Variants in MKKS observed in about 807,000 individuals in gnomAD.
MKKS encodes MKKS centrosomal shuttling protein.
In MKKS, 29 loss-of-function variants were observed where a neutral mutation model predicts 33.2. That is an observed-to-expected ratio of 0.87 (90% CI 0.65 to 1.19). The LOEUF (loss-of-function observed/expected upper bound fraction) is 1.19. Among genes scored for constraint, MKKS ranks in the 50% most tolerant of loss-of-function variants. The pLI is 0.00. For missense variants in MKKS, 661 were observed against 662.3 expected (o/e 1.00, Z 0.02); for synonymous variants, 260 against 244.0 (o/e 1.07, Z -0.61).
At chr20:10,426,955 C>G (rs779082117) in intron 1 of MKKS, among the ~76,000 whole-genome samples, 1 of 151,206 alleles carries the variant, frequency 6.6e-6, no homozygotes, top group African/African-American at 2.4e-5. Context: ...AGAGGGAGAA[C>G]TTGCTATGCT....
Position 10,413,738 on chromosome 20 carries a change from C to T in MKKS, c.-224G>A. Reference sequence around the variant, plus strand: ...AATTCCAAATATTTATTTTACTTCACTCTTCAATACTCTTTTGTTTGCTTT... The same window carrying T: ...AATTCCAAATATTTATTTTACTTCATTCTTCAATACTCTTTTGTTTGCTTT... On this transcript the variant is annotated 5_prime_UTR_variant, in exon 3 of 6. In the 5' UTR this introduces an upstream ATG that the reference lacks. Transcript: ENST00000347364. 3 of 605,454 alleles carry T rather than the reference C, an allele frequency of 5.0e-6. No individual in the cohort carries two copies. The highest frequency in any genetic ancestry group is 8.7e-6 in the Non-Finnish European group (3 of 345,294). 37.5% of individuals were successfully genotyped at this position (605,454 alleles called of 1,614,324 possible). A position where few individuals can be genotyped will look rare whatever the true frequency, so the allele number is the denominator to read the frequency against.
chr20:10,427,076 AC>A (rs2065020798), intron 1 of MKKS, among the ~76,000 whole-genome samples: 1 of 143,586 alleles, frequency 7.0e-6, no homozygotes, highest in African/African-American at 2.5e-5. Context: ...ACACACACAC[AC>A]ACAAAGTAAG....
chr20:10,408,587 C>A, intron 4 of MKKS, 41 bp downstream of exon 4: 1 of 1,595,996 alleles, frequency 6.3e-7, no homozygotes, highest in Non-Finnish European at 8.6e-7. Flanking sequence ...ACTAATTCCT[C>A]CCTCAGCCTC....
intron 1 of MKKS, among the ~76,000 whole-genome samples, chr20:10,426,693 C>T (rs1358652863): frequency 2.6e-5 from 4 of 152,210 alleles, no homozygotes; most frequent in African/African-American, 9.6e-5. Context: ...CCATGCACGC[C>T]CCGTGGCATG....
At chr20:10,416,130 G>A (rs1475951929) in intron 2 of MKKS, among the ~76,000 whole-genome samples, 1 of 151,918 alleles carries the variant, frequency 6.6e-6, no homozygotes, top group Non-Finnish European at 1.5e-5. Context: ...ACTATTCTTG[G>A]ATGCACGGGC....
At chr20:10,414,843 C>G (rs562456926) in intron 2 of MKKS, among the ~76,000 whole-genome samples, 14 of 152,246 alleles carry the variant, frequency 9.2e-5, no homozygotes, top group African/African-American at 3.4e-4. Flanking sequence ...TGGCTAAAGT[C>G]AGAGCTAATT....
chr20:10,413,308 G>A lies in MKKS; in HGVS notation c.207C>T (p.Val69=), dbSNP rs1382659817. The change falls in exon 3 of 6, where the codon GTC becomes GTT. Residue 69 remains valine, a synonymous_variant. Transcript: ENST00000347364. ...QSSALLSHLL[V]THPILKILTA... is the part of the protein sequence containing the mutation. ...TCAGGATCTTTAAAATGGGATGTGT[G>A]ACCAAAAGGTGACTGAGCAGAGCTG... 4.3e-6 allele frequency: 7 copies of A among 1,614,190 alleles called. No individual in the cohort carries two copies. The South Asian group carries it at 6.6e-5, about 15-fold the overall frequency.
At chr20:10,418,890 T>A (rs781467919) in intron 2 of MKKS, among the ~76,000 whole-genome samples, 1 of 152,118 alleles carries the variant, frequency 6.6e-6, no homozygotes, top group Non-Finnish European at 1.5e-5. Flanking sequence ...CCTGCTTATA[T>A]ATATTAAAAC....
Position 10,412,840 on chromosome 20 carries a change from A to G in MKKS, c.675T>C (p.Val225=). Residue 225 remains valine (V), a synonymous_variant, in exon 3 of 6, where the codon GTT becomes GTC. Coordinates refer to ENST00000347364, the MANE Select transcript of MKKS (RefSeq NM_170784.3). ...LPGILIEMSE[V]QLMRLLPIKK... ...TGATAGGTAATAGCCTCATTAATTG[A>G]ACTTCTGACATTTCAATGAGTATCC... 6.2e-7 allele frequency: 1 copy of G among 1,614,182 alleles called. No homozygotes were observed. The highest frequency in any genetic ancestry group is 1.3e-5 in the African/African-American group (1 of 75,044).
rs1226208575 is a variant in MKKS at position 10,408,806 on chromosome 20, A to AT, written c.986-4dup. ...TAGGGATCCAATAGGCTGTGTTCCT[A>AT]TTTTTTAAAGATTAGAAAATACAAG... On this transcript the variant is annotated splice_polypyrimidine_tract_variant and splice_region_variant and intron_variant, in intron 3 of 5. Coordinates refer to ENST00000347364, the MANE Select transcript of MKKS (RefSeq NM_170784.3). 2 of 1,608,908 alleles carry AT rather than the reference A, an allele frequency of 1.2e-6. No homozygotes were observed. Among genetic ancestry groups the AT allele is most frequent in the Non-Finnish European group, 1.7e-6 (2 of 1,176,338 alleles).
intron 1 of MKKS, among the ~76,000 whole-genome samples, chr20:10,426,491 C>T (rs1404482387): frequency 1.3e-5 from 2 of 150,082 alleles, no homozygotes; most frequent in East Asian, 3.9e-4. Context: ...CCTCCGCATG[C>T]CAGATTTAAG....
At chr20:10,412,421 G>T in intron 3 of MKKS, 109 bp downstream of exon 3, 1 of 1,073,412 alleles carries the variant, frequency 9.3e-7, no homozygotes, top group Non-Finnish European at 1.4e-6. Context: ...ACTGACACAT[G>T]CTGGGTCAAT....
Position 10,405,162 on chromosome 20 carries a change from G to T in MKKS, c.*85C>A. Reference sequence around the variant, plus strand: ...CCAAATATGTAGAACAGGGCTTTGGGAGAAAACAAATACACTCACAATTTT... The same window carrying T: ...CCAAATATGTAGAACAGGGCTTTGGTAGAAAACAAATACACTCACAATTTT... On this transcript the variant is annotated 3_prime_UTR_variant, in exon 6 of 6. Coordinates refer to ENST00000347364, the MANE Select transcript of MKKS (RefSeq NM_170784.3). 1 of 1,116,806 alleles carries T rather than the reference G, an allele frequency of 9.0e-7. No individual in the cohort carries two copies. Among genetic ancestry groups the T allele is most frequent in the Non-Finnish European group, 1.3e-6 (1 of 787,350 alleles). The allele number at this position is 1,116,806 out of a possible 1,614,324, so 69.2% of individuals were successfully genotyped here.
At position 10,412,552 on chromosome 20, in the gene MKKS, C is replaced by T; in HGVS notation, c.963G>A (p.Met321Ile). 1.9e-6 allele frequency: 3 copies of T among 1,613,954 alleles called. No homozygotes were observed. The highest frequency in any genetic ancestry group is 2.2e-5 in the East Asian group (1 of 44,880). The change falls in exon 3 of 6, where the codon ATG becomes ATA. Residue 321 changes from methionine (M) to isoleucine (I), a missense_variant. Coordinates refer to ENST00000347364, the MANE Select transcript of MKKS (RefSeq NM_170784.3). ...TACCTGTCATTTTAGTCAGGGGTTC[C>T]ATCAGAGTCACTCCAATTCTGTCTA... ...IAIDRIGVTL[M>I]EPLTKMTGTQ...
At chr20:10,414,056 C>T (rs773860244) in intron 2 of MKKS, 125 bp from the exon 3 acceptor site, 3 of 373,918 alleles carry the variant, frequency 8.0e-6, no homozygotes, top group Non-Finnish European at 1.4e-5. Flanking sequence ...CTGGCACAAA[C>T]GTCCAGAAAA....
At chr20:10,427,587 C>T (rs1371629638) in intron 1 of MKKS, among the ~76,000 whole-genome samples, 1 of 151,996 alleles carries the variant, frequency 6.6e-6, no homozygotes, top group African/African-American at 2.4e-5. Flanking sequence ...ATTTTTTATC[C>T]TCAATTTTTA....
At chr20:10,422,856 T>C (rs2064990800) in intron 1 of MKKS, among the ~76,000 whole-genome samples, 1 of 151,598 alleles carries the variant, frequency 6.6e-6, no homozygotes, top group Admixed American at 6.6e-5. Flanking sequence ...GGACTACAGG[T>C]GCCCGCCACC....
At position 10,413,404 on chromosome 20, in the gene MKKS, A is replaced by G. The variant is rs200149064; in HGVS notation, c.111T>C (p.Tyr37=). 4 of 1,613,172 alleles carry G rather than the reference A, an allele frequency of 2.5e-6. No homozygotes were observed. The highest frequency in any genetic ancestry group is 1.7e-4 in the Middle Eastern group (1 of 6,060). The change falls in exon 3 of 6, where the codon TAT becomes TAC. Residue 37 remains tyrosine, a synonymous_variant. Transcript: ENST00000347364. ...GCTGCTTCAGCCTACCTGAGGGGCC[A>G]TAGCATGATGTTACAATTCTTTTCA... ...SVLKRIVTSC[Y]GPSGRLKQLH... is the part of the protein sequence containing the mutation.
chr20:10,421,370 G>A (rs1731460900), intron 1 of MKKS, among the ~76,000 whole-genome samples: 1 of 146,356 alleles, frequency 6.8e-6, no homozygotes, highest in East Asian at 2.0e-4. Context: ...GTTGCAGTGA[G>A]CCAAGATCAT....
Sources: allele counts gnomAD v4.1 joint callset (sites outside exome capture counted in the v4.1 genomes callset), GRCh38; gene constraint gnomAD v4.1.1; transcripts MANE v1.5; gene names NCBI Gene and HGNC (gene_info 2026-07-23, HGNC 2026-07-21).